STIM1: variants seen among roughly 807,000 people sequenced by gnomAD.
STIM1 encodes the protein stromal interaction molecule 1.
A neutral mutation model predicts 74.7 loss-of-function variants in STIM1; 25 were observed. The observed-to-expected ratio is 0.33, with a 90% CI of 0.24 to 0.47. The LOEUF is 0.47. STIM1 is among the 20% of genes least tolerant of loss of function. The probability of loss-of-function intolerance (pLI) is 1.00; values close to 1 mark genes in which losing one functional copy is unlikely to be tolerated. For missense variants in STIM1, 728 were observed against 920.8 expected, an observed-to-expected ratio of 0.79 and a Z score of 2.71; for synonymous variants, 328 against 348.8, an observed-to-expected ratio of 0.94 and a Z score of 0.66.
chr11:4,009,348 C>G (rs1173089153), intron 2 of STIM1, among the ~76,000 whole-genome samples: 1 of 151,086 alleles, frequency 6.6e-6, no homozygotes, highest in Non-Finnish European at 1.5e-5. Context: ...TGTGGTGGCT[C>G]ACGCCTGTAA....
At chr11:3,943,414 G>A (rs2093034139) in intron 1 of STIM1, among the ~76,000 whole-genome samples, 1 of 152,168 alleles carries the variant, frequency 6.6e-6, no homozygotes, top group Non-Finnish European at 1.5e-5. Context: ...GTAACTTGAT[G>A]ACACACCATA....
At position 4,062,300 on chromosome 11, in the gene STIM1, T is replaced by C. The variant is rs192774522; in HGVS notation, c.613+2904T>C. The stretch of plus-strand genomic sequence containing the variant: ...GAGAAAGTATTGGCAAACATTTTTC[T>C]GACAAGGCTCTACTATCCAGAATAC... On this transcript the variant is annotated intron_variant, in intron 5 of 12. Transcript: ENST00000526596. 1.3e-3 allele frequency among the ~76,000 whole-genome samples: 193 copies of C among 152,354 alleles called. 2 individuals are homozygous for C. Among genetic ancestry groups the C allele is most frequent in the Non-Finnish European group, 2.2e-3 (151 of 68,036 alleles).
At chr11:3,953,489 T>C (rs1247484143) in intron 1 of STIM1, among the ~76,000 whole-genome samples, 1 of 152,216 alleles carries the variant, frequency 6.6e-6, no homozygotes, top group African/African-American at 2.4e-5. Context: ...TTGCATAGGC[T>C]GATCCAGATC....
intron 1 of STIM1, among the ~76,000 whole-genome samples, chr11:3,923,947 T>C (rs1319166812): frequency 6.6e-6 from 1 of 152,084 alleles, no homozygotes; most frequent in East Asian, 1.9e-4. Flanking sequence ...ACAAACTATA[T>C]GTAGTCTTTC....
chr11:3,859,256 G>C (rs1050390851), intron 1 of STIM1, among the ~76,000 whole-genome samples: 1 of 152,180 alleles, frequency 6.6e-6, no homozygotes, highest in Non-Finnish European at 1.5e-5. Context: ...TGCAGTGAAG[G>C]CAGGTGCTCT....
At chr11:4,058,999 T>G in intron 4 of STIM1, 1 of 1,132,674 alleles carries the variant, frequency 8.8e-7, no homozygotes. Context: ...CAACAGAAAA[T>G]TTAGTTGGGT....
chr11:3,944,345 T>C (rs957847620), intron 1 of STIM1, among the ~76,000 whole-genome samples: 3 of 152,248 alleles, frequency 2.0e-5, no homozygotes, highest in African/African-American at 2.4e-5. Flanking sequence ...TGGCTTCTCA[T>C]GGCAGCCAAG....
At chr11:3,904,196 C>CAAA (rs57908154) in intron 1 of STIM1, among the ~76,000 whole-genome samples, 13 of 73,856 alleles carry the variant, frequency 1.8e-4, no homozygotes, top group African/African-American at 3.4e-4. Flanking sequence ...GACTCTGTCT[C>CAAA]AAAAAAAAAA....
chr11:3,920,984 C>T lies in STIM1; in HGVS notation c.140-46568C>T, dbSNP rs148055798. On this transcript the variant is annotated intron_variant, in intron 1 of 12. Coordinates refer to ENST00000526596, the MANE Select transcript of STIM1 (RefSeq NM_001382567.1). ...CTAATTTTTGTATTTTTAGTAGAGA[C>T]GGGGTTTCACCATGTTGACCAGGCT... Among the ~76,000 whole-genome samples, 29 of 152,010 alleles carry T rather than the reference C, an allele frequency of 1.9e-4. 1 individual carries two copies. In the South Asian group the frequency reaches 3.5e-3, roughly 19 times the overall value.
At chr11:3,926,414 AT>A (rs2092789396) in intron 1 of STIM1, among the ~76,000 whole-genome samples, 1 of 152,242 alleles carries the variant, frequency 6.6e-6, no homozygotes, top group African/African-American at 2.4e-5. Flanking sequence ...ATTAAAAACA[AT>A]TATAAAATAA....
At chr11:3,946,940 T>C (rs2093082718) in intron 1 of STIM1, among the ~76,000 whole-genome samples, 1 of 152,168 alleles carries the variant, frequency 6.6e-6, no homozygotes, top group South Asian at 2.1e-4. Context: ...TTGAACCAAC[T>C]CAGTGCTTTG....
At chr11:3,959,489 G>T (rs928314359) in intron 1 of STIM1, among the ~76,000 whole-genome samples, 1 of 152,096 alleles carries the variant, frequency 6.6e-6, no homozygotes, top group Non-Finnish European at 1.5e-5. Flanking sequence ...ACTTGACAGG[G>T]TAGATGGTAG....
chr11:3,904,495 A>G (rs2092427576), intron 1 of STIM1, among the ~76,000 whole-genome samples: 1 of 152,100 alleles, frequency 6.6e-6, no homozygotes, highest in Non-Finnish European at 1.5e-5. Context: ...AAGAGCTTAA[A>G]TCCTATTGGA....
intron 12 of STIM1, among the ~76,000 whole-genome samples, chr11:4,087,826 A>G (rs1261603950): frequency 6.7e-6 from 1 of 149,698 alleles, no homozygotes; most frequent in African/African-American, 2.5e-5. Flanking sequence ...ACTCAGGTTT[A>G]TAGCTTGAGT....
chr11:3,918,409 C>G (rs1244943643), intron 1 of STIM1, among the ~76,000 whole-genome samples: 3 of 151,476 alleles, frequency 2.0e-5, no homozygotes, highest in Non-Finnish European at 4.4e-5. Flanking sequence ...CCTAGCTACT[C>G]AGGAGACTTG....
chr11:3,856,328 GGCCAGA>G lies in STIM1; in HGVS notation c.62_67del (p.Gln21_Ser22del). 1 of 1,614,186 alleles carries G rather than the reference GGCCAGA, an allele frequency of 6.2e-7. No individual in the cohort carries two copies. Among genetic ancestry groups the G allele is most frequent in the Non-Finnish European group, 8.5e-7 (1 of 1,180,038 alleles). Reference sequence around the variant, plus strand: ...CCTCTGGGGACTCCTCCTGCACCAGGGCCAGAGCCTCAGCCATAGTCACAGTGAGAA... The same window carrying G: ...CCTCTGGGGACTCCTCCTGCACCAGGGCCTCAGCCATAGTCACAGTGAGAA... On this transcript the variant is annotated inframe_deletion, in exon 1 of 13. Coordinates refer to ENST00000526596, the MANE Select transcript of STIM1 (RefSeq NM_001382567.1).
At chr11:3,922,855 T>C (rs1353970796) in intron 1 of STIM1, among the ~76,000 whole-genome samples, 3 of 152,174 alleles carry the variant, frequency 2.0e-5, no homozygotes, top group South Asian at 4.1e-4. Flanking sequence ...CCCAGCACTT[T>C]GGGAGGCTGA....
At position 4,067,217 on chromosome 11, in the gene STIM1, G is replaced by A. The variant is rs187288064; in HGVS notation, c.614-2809G>A. Among the ~76,000 whole-genome samples, 602 of 152,294 alleles carry A rather than the reference G, an allele frequency of 4.0e-3. 5 individuals carry two copies. The highest frequency in any genetic ancestry group is 7.0e-3 in the Non-Finnish European group (477 of 68,018). On this transcript the variant is annotated intron_variant, in intron 5 of 12. Transcript: ENST00000526596. ...AAGCTGAGGTCTAGATAGGGGAAGT[G>A]AATTATATAACAAATTGGGGCAGAG... is the stretch of plus-strand genomic sequence containing the variant.
intron 2 of STIM1, chr11:3,989,016 G>C: frequency 1.2e-6 from 1 of 839,824 alleles, no homozygotes; most frequent in Non-Finnish European, 1.8e-6. Context: ...TAAAAGATGG[G>C]ATGAGGTGGG....
Sources: gnomAD v4.1 joint callset for allele counts (sites outside exome capture counted in the v4.1 genomes callset) on GRCh38, gnomAD v4.1.1 for gene constraint, MANE v1.5 for transcripts, NCBI Gene and HGNC (gene_info 2026-07-23, HGNC 2026-07-21) for gene names.